Variants in TLK1 observed in about 807,000 individuals in gnomAD.
TLK1 encodes tousled like kinase 1, also known as serine/threonine-protein kinase tousled-like 1.
A neutral mutation model predicts 105.3 loss-of-function variants in TLK1; 24 were observed. The ratio of observed to expected loss-of-function variants is 0.23; its 90% confidence interval spans 0.17 to 0.32. The LOEUF is 0.32. Ranked by LOEUF, TLK1 falls within the 10% of genes least tolerant of loss-of-function variation. TLK1 has a pLI of 1.00. For missense variants in TLK1, 558 were observed against 910.5 expected (o/e 0.61, Z 4.98); for synonymous variants, 321 against 310.4 (o/e 1.03, Z -0.36).
At chr2:171,179,277 A>T (rs986745955) in intron 1 of TLK1, among the ~76,000 whole-genome samples, 2 of 152,228 alleles carry the variant, frequency 1.3e-5, no homozygotes, top group Non-Finnish European at 2.9e-5. Context: ...TTCCCAAATG[A>T]AATAAATATA....
chr2:171,142,529 G>C (rs1558965315), intron 1 of TLK1, among the ~76,000 whole-genome samples: 1 of 152,076 alleles, frequency 6.6e-6, no homozygotes, highest in Non-Finnish European at 1.5e-5. Context: ...CTGAGATAAA[G>C]AGGGACACGT....
intron 12 of TLK1, among the ~76,000 whole-genome samples, chr2:171,015,715 ACACACACACACACACACC>A (rs751138666): frequency 0.1 from 11,632 of 113,112 alleles, 566 homozygotes; most frequent in Middle Eastern, 0.19. Flanking sequence ...ACACACACAC[ACACACACACACACACACC>A]CACCCCTTTT....
intron 1 of TLK1, among the ~76,000 whole-genome samples, chr2:171,120,570 A>G (rs544014655): frequency 2.7e-4 from 41 of 152,348 alleles, no homozygotes; most frequent in African/African-American, 9.4e-4. Context: ...GGAAATGCAA[A>G]TCAAAATCAC....
chr2:171,074,720 T>C (rs1302907737), intron 3 of TLK1, among the ~76,000 whole-genome samples: 1 of 151,200 alleles, frequency 6.6e-6, no homozygotes, highest in African/African-American at 2.4e-5. Context: ...GAGAACATAC[T>C]AGCAGGAAGA....
In TLK1 at chr2:171,197,437, A is replaced by G. The variant is rs540478321; in HGVS notation, c.-6+33708T>C. ...AATATAAAACATTCAATAGTATTCA[A>G]TGTGATGTTTTCAAAGTGTTATCAA... On this transcript the variant is annotated intron_variant, in intron 1 of 20. Transcript: ENST00000521943. Among the ~76,000 whole-genome samples, 38 of 152,314 alleles carry G rather than the reference A, an allele frequency of 2.5e-4. 2 individuals carry two copies. Among genetic ancestry groups the G allele is most frequent in the Middle Eastern group, 3.4e-3 (1 of 292 alleles).
chr2:171,002,068 C>T lies in TLK1; in HGVS notation c.1904+4079G>A, dbSNP rs575141757. ...CTGAGATTACAGGCATGAGCCACCG[C>T]GCCTGGCCTCAATTATTTTCTTAAT... On this transcript the variant is annotated intron_variant, in intron 18 of 20. Transcript: ENST00000431350. 1.4e-4 allele frequency among the ~76,000 whole-genome samples: 21 copies of T among 152,182 alleles called. No homozygotes were observed. In the South Asian group the frequency reaches 2.3e-3, roughly 17 times the overall value.
chr2:171,067,917 C>T (rs1688081677), intron 3 of TLK1, among the ~76,000 whole-genome samples: 1 of 152,146 alleles, frequency 6.6e-6, no homozygotes, highest in Admixed American at 6.5e-5. Flanking sequence ...TGATGGTTTC[C>T]AGCTTCATCC....
At chr2:171,161,606 T>C (rs1184850499), upstream of TLK1, among the ~76,000 whole-genome samples, 1 of 152,204 alleles carries the variant, frequency 6.6e-6, no homozygotes, top group Non-Finnish European at 1.5e-5. Flanking sequence ...CAATTCTTTG[T>C]TTTAAAACAG....
chr2:171,066,396 TAAG>T (rs1482702618), intron 3 of TLK1, among the ~76,000 whole-genome samples: 2 of 152,102 alleles, frequency 1.3e-5, no homozygotes, highest in African/African-American at 2.4e-5. Flanking sequence ...AGAACACCAG[TAAG>T]AAGAAATTGG....
At chr2:171,225,037 T>C (rs1179475020) in intron 1 of TLK1, among the ~76,000 whole-genome samples, 1 of 152,050 alleles carries the variant, frequency 6.6e-6, no homozygotes, top group Non-Finnish European at 1.5e-5. Flanking sequence ...GACCCCTACC[T>C]CACATCATAT....
chr2:171,134,118 T>G (rs1691212729), intron 1 of TLK1, among the ~76,000 whole-genome samples: 1 of 152,226 alleles, frequency 6.6e-6, no homozygotes, highest in African/African-American at 2.4e-5. Flanking sequence ...ATTTATCTGC[T>G]TAACAGACAA....
intron 3 of TLK1, among the ~76,000 whole-genome samples, chr2:171,076,830 C>A (rs968122055): frequency 2.0e-5 from 3 of 151,578 alleles, no homozygotes; most frequent in Admixed American, 2.0e-4. Context: ...AGGAGAATGG[C>A]GTGAACCCGG....
At chr2:171,091,209 G>T (rs1010432496) in intron 2 of TLK1, among the ~76,000 whole-genome samples, 7 of 152,190 alleles carry the variant, frequency 4.6e-5, no homozygotes, top group African/African-American at 1.4e-4. Flanking sequence ...GCACTTTACA[G>T]AAAAAGTTTG....
chr2:171,197,272 G>T (rs1226151218), intron 1 of TLK1, among the ~76,000 whole-genome samples: 4 of 152,030 alleles, frequency 2.6e-5, no homozygotes, highest in Non-Finnish European at 4.4e-5. Flanking sequence ...AATATGAAAA[G>T]ATTTCTTATT....
At chr2:171,011,476 C>T in intron 13 of TLK1, 22 bp from the exon 14 acceptor site, 9 of 1,597,318 alleles carry the variant, frequency 5.6e-6, no homozygotes, top group Non-Finnish European at 6.8e-6. Context: ...GGGCAAAAAA[C>T]AGACATATTA....
intron 11 of TLK1, among the ~76,000 whole-genome samples, chr2:171,029,701 T>C (rs1430396707): frequency 6.6e-6 from 1 of 152,062 alleles, no homozygotes; most frequent in Non-Finnish European, 1.5e-5. Context: ...TCTTATTATT[T>C]CAAATATTAT....
At chr2:171,064,272 C>T (rs1687889070) in intron 3 of TLK1, among the ~76,000 whole-genome samples, 1 of 152,122 alleles carries the variant, frequency 6.6e-6, no homozygotes, top group South Asian at 2.1e-4. Flanking sequence ...TGAGTTAAGG[C>T]TCCAGCCTAC....
chr2:171,036,061 TG>T (rs548760832), intron 11 of TLK1, among the ~76,000 whole-genome samples: 96 of 152,342 alleles, frequency 6.3e-4, no homozygotes, highest in African/African-American at 1.9e-3. Flanking sequence ...TCTTCTTACC[TG>T]GAAGTAGAAT....
chr2:171,160,425 T>G lies in TLK1; in HGVS notation c.4A>C (p.Ser2Arg). 6.2e-7 allele frequency: 1 copy of G among 1,600,324 alleles called. No homozygotes were observed. The highest frequency in any genetic ancestry group is 8.5e-7 in the Non-Finnish European group (1 of 1,174,310). The change falls in exon 1 of 21, where the codon AGT (serine) becomes CGT (arginine). Residue 2 changes from serine (S) to arginine (R), a missense_variant. Ser to Arg is a moderately radical substitution (Grantham distance 110). Around this residue, in one of 5 missense-constraint regions of TLK1, gnomAD observed 104 missense variants for 116.0 expected, o/e 0.90. Coordinates refer to ENST00000431350, the MANE Select transcript of TLK1 (RefSeq NM_012290.5). The surrounding 1 kb of genome is among the most constrained non-coding windows in gnomAD (Gnocchi z 4.4). Reference protein sequence around the residue: MSVQSSSGSLEG... With the variant: MRVQSSSGSLEG... ...AAACTTCCACTGCTACTTTGGACAC[T>G]CATCAAGCTACTTTCTGGGAACCCG...
Sources: allele counts gnomAD v4.1 joint callset (sites outside exome capture counted in the v4.1 genomes callset), GRCh38; gene constraint gnomAD v4.1.1; regional missense constraint gnomAD v4.1.1; non-coding constraint Gnocchi (gnomAD v3.1); transcripts MANE v1.5; gene names NCBI Gene and HGNC (gene_info 2026-07-23, HGNC 2026-07-21).